QRSL1: variants seen among roughly 807,000 people sequenced by gnomAD.
QRSL1 encodes the protein glutaminyl-tRNA amidotransferase subunit QRSL1, also known as glutamyl-tRNA(Gln) amidotransferase subunit A, mitochondrial.
Under a neutral mutation model 61.6 loss-of-function variants are expected in QRSL1, and 54 were observed. That is an observed-to-expected ratio of 0.88 (90% confidence interval 0.70 to 1.10). QRSL1 has a LOEUF of 1.10. Ranked by LOEUF, QRSL1 falls within the 50% of genes least tolerant of loss-of-function variation. The pLI is 0.00. For missense variants in QRSL1, 505 were observed against 622.6 expected (o/e 0.81, Z 2.01); for synonymous variants, 228 against 225.7 (o/e 1.01, Z -0.09).
intron 9 of QRSL1, among the ~76,000 whole-genome samples, chr6:106,662,260 T>C (rs1777369137): frequency 6.6e-6 from 1 of 152,214 alleles, no homozygotes; most frequent in Non-Finnish European, 1.5e-5. Flanking sequence ...CATTTGTTGC[T>C]GTGTACTTTA....
intron 1 of QRSL1, among the ~76,000 whole-genome samples, chr6:106,633,910 C>G (rs2114697194): frequency 6.6e-6 from 1 of 151,362 alleles, no homozygotes; most frequent in Admixed American, 6.6e-5. Flanking sequence ...TTCCTGAAAC[C>G]TAACTTTTTT....
At chr6:106,661,683 GTTC>G (rs1777357632) in intron 9 of QRSL1, among the ~76,000 whole-genome samples, 1 of 81,476 alleles carries the variant, frequency 1.2e-5, no homozygotes, top group Non-Finnish European at 2.4e-5. Flanking sequence ...AGAATGGTTA[GTTC>G]TTTTTTTTTT....
chr6:106,648,281 C>T (rs1039764694), intron 4 of QRSL1, among the ~76,000 whole-genome samples: 3 of 151,318 alleles, frequency 2.0e-5, no homozygotes, highest in Admixed American at 1.3e-4. Context: ...GCCAGTAGAG[C>T]GAGACTCGTC....
rs1053586775 is a variant in QRSL1, at chr6:106,666,180, C to T, written c.*178C>T. The stretch of plus-strand genomic sequence containing the variant: ...TACAAAAATTAGCCAGGCTTAGTGG[C>T]GGGCATCTGTAGTCCCAGCTACTCA... On this transcript the variant is annotated 3_prime_UTR_variant, in exon 11 of 11. Coordinates refer to ENST00000369046, the MANE Select transcript of QRSL1 (RefSeq NM_018292.5). 12 of 579,414 alleles carry T rather than the reference C, an allele frequency of 2.1e-5. No homozygotes were observed. Among genetic ancestry groups the T allele is most frequent in the Admixed American group, 6.0e-5 (2 of 33,414 alleles). The allele number at this position is 579,414 out of a possible 1,614,324, so 35.9% of individuals were successfully genotyped here.
At chr6:106,639,854 A>G (rs1776989822) in intron 1 of QRSL1, among the ~76,000 whole-genome samples, 2 of 152,036 alleles carry the variant, frequency 1.3e-5, no homozygotes, top group Admixed American at 6.6e-5. Flanking sequence ...TTTTATAAGC[A>G]TTTCTCTTAA....
intron 4 of QRSL1, 115 bp from the exon 5 acceptor site, chr6:106,648,910 A>T: frequency 9.7e-7 from 1 of 1,034,298 alleles, no homozygotes; most frequent in Non-Finnish European, 1.4e-6. Context: ...AATTCAAGCT[A>T]CAGTGGGTTC....
chr6:106,645,326 A>G lies in QRSL1; in HGVS notation c.380+2236A>G, dbSNP rs570932465. Among the ~76,000 whole-genome samples, 35 of 152,286 alleles carry G rather than the reference A, an allele frequency of 2.3e-4. No individual in the cohort carries two copies. The South Asian group carries it at 7.0e-3, about 31-fold the overall frequency. On this transcript the variant is annotated intron_variant, in intron 4 of 10. Coordinates refer to ENST00000369046, the MANE Select transcript of QRSL1 (RefSeq NM_018292.5). ...TTGGAAAGAATCGGCATCATAATAC[A>G]TGTCTTCTCATACATTTTGTTTTAC...
At chr6:106,639,137 T>G (rs1458164607) in intron 1 of QRSL1, among the ~76,000 whole-genome samples, 2 of 143,630 alleles carry the variant, frequency 1.4e-5, no homozygotes, top group Admixed American at 7.0e-5. Context: ...TTTTTTTTTT[T>G]TTTTTTTTTG....
rs780416940 is a variant in QRSL1, at chr6:106,652,532, A to G, written c.799A>G (p.Met267Val). ...TVHEPINKPF[M>V]LPSLADVSKL... ...ACATGAACCTATTAATAAACCATTC[A>G]TGCTTCCCAGTTTGGCAGATGTGAG... Residue 267 changes from methionine to valine, a missense_variant, in exon 7 of 11, where the codon ATG (methionine) becomes GTG (valine). By Grantham distance (21) the Met-to-Val change is conservative (BLOSUM62 1). Transcript: ENST00000369046. 1.9e-6 allele frequency: 3 copies of G among 1,614,216 alleles called. No individual in the cohort carries two copies. The South Asian group carries it at 3.3e-5, about 18-fold the overall frequency.
chr6:106,656,735 C>T (rs1777277587), intron 9 of QRSL1, among the ~76,000 whole-genome samples: 1 of 152,220 alleles, frequency 6.6e-6, no homozygotes, highest in Non-Finnish European at 1.5e-5. Context: ...CAGCTCACCG[C>T]AGCCTTGACC....
chr6:106,645,479 A>G (rs151163799), intron 4 of QRSL1, among the ~76,000 whole-genome samples: 1,535 of 151,768 alleles, frequency 0.01, 30 homozygotes, highest in African/African-American at 0.035. Context: ...CTGGAGTGCA[A>G]TGGTGCAATC....
At chr6:106,631,766 T>C (rs945290464) in intron 1 of QRSL1, among the ~76,000 whole-genome samples, 2 of 152,230 alleles carry the variant, frequency 1.3e-5, no homozygotes, top group East Asian at 1.9e-4. Context: ...TCAGAGTAAA[T>C]GGTGTATCCA....
In QRSL1 at chr6:106,668,249, A is replaced by G. The variant is rs1276479997; in HGVS notation, c.*2247A>G. Reference sequence around the variant, plus strand: ...AAAGTGAAACATTTACCGTTCTCATATACTGATACCCAACTACCATGAAAT... The same window carrying G: ...AAAGTGAAACATTTACCGTTCTCATGTACTGATACCCAACTACCATGAAAT... On this transcript the variant is annotated 3_prime_UTR_variant, in exon 11 of 11. Transcript: ENST00000369046. 6.6e-6 allele frequency: 1 copy of G among 152,148 alleles called. No homozygotes were observed. Among genetic ancestry groups the G allele is most frequent in the Non-Finnish European group, 1.5e-5 (1 of 68,040 alleles). 9.4% of individuals were successfully genotyped at this position (152,148 alleles called of 1,614,324 possible).
Position 106,667,564 on chromosome 6 carries a change from G to C in QRSL1, c.*1562G>C, listed in dbSNP as rs924783870. ...AAAAAAATTGTTTTCTAAATATGAC[G>C]TTCATGAAGAGAAAATAATGAGTCA... is the stretch of plus-strand genomic sequence containing the variant. On this transcript the variant is annotated 3_prime_UTR_variant, in exon 11 of 11. Transcript: ENST00000369046. The C allele has an allele frequency of 6.6e-6, 1 of 152,060 alleles. No individual in the cohort carries two copies. Among genetic ancestry groups the C allele is most frequent in the Non-Finnish European group, 1.5e-5 (1 of 68,022 alleles). 9.4% of individuals were successfully genotyped at this position (152,060 alleles called of 1,614,324 possible).
intron 9 of QRSL1, among the ~76,000 whole-genome samples, chr6:106,659,848 A>G (rs941438133): frequency 8.5e-5 from 13 of 152,338 alleles, no homozygotes; most frequent in African/African-American, 3.1e-4. Context: ...TGTTCGAAAC[A>G]CAAACTTATT....
At position 106,667,380 on chromosome 6, in the gene QRSL1, C is replaced by A. The variant is rs1336616791; in HGVS notation, c.*1378C>A. The A allele has an allele frequency of 6.6e-6, 1 of 152,064 alleles. No individual in the cohort carries two copies. Among genetic ancestry groups the A allele is most frequent in the Non-Finnish European group, 1.5e-5 (1 of 68,016 alleles). 9.4% of individuals were successfully genotyped at this position (152,064 alleles called of 1,614,324 possible). The stretch of plus-strand genomic sequence containing the variant: ...ATATTTGACAAAATCTAATGGAAAC[C>A]ATCCATTTACTCATGATAAGGCTTC... On this transcript the variant is annotated 3_prime_UTR_variant, in exon 11 of 11. Coordinates refer to ENST00000369046, the MANE Select transcript of QRSL1 (RefSeq NM_018292.5).
intron 9 of QRSL1, among the ~76,000 whole-genome samples, chr6:106,657,287 C>G (rs995199840): frequency 6.6e-6 from 1 of 151,396 alleles, no homozygotes; most frequent in Non-Finnish European, 1.5e-5. Context: ...AAAAAGAATA[C>G]TATTTGGTTA....
At chr6:106,631,987 C>T (rs1201434731) in intron 1 of QRSL1, among the ~76,000 whole-genome samples, 1 of 152,204 alleles carries the variant, frequency 6.6e-6, no homozygotes, top group Non-Finnish European at 1.5e-5. Context: ...CCTCTAGTAA[C>T]CATCATTCTA....
chr6:106,643,496 A>G (rs1289197746), intron 4 of QRSL1, among the ~76,000 whole-genome samples: 4 of 152,106 alleles, frequency 2.6e-5, no homozygotes, highest in African/African-American at 4.8e-5. Flanking sequence ...CCTGACCAAC[A>G]TGGAGAAACC....
Sources: gnomAD v4.1 joint callset for allele counts (sites outside exome capture counted in the v4.1 genomes callset) on GRCh38, gnomAD v4.1.1 for gene constraint, MANE v1.5 for transcripts, NCBI Gene and HGNC (gene_info 2026-07-23, HGNC 2026-07-21) for gene names.